The following MMRN2 variants were observed in gnomAD, a reference collection of about 807,000 sequenced individuals.
The protein encoded by MMRN2 is multimerin-2.
Under a neutral mutation model 68.8 loss-of-function variants are expected in MMRN2, and 53 were observed. The ratio of observed to expected loss-of-function variants is 0.77; its 90% CI spans 0.62 to 0.97. The LOEUF is 0.97. MMRN2 is among the 50% of genes least tolerant of loss of function. MMRN2 has a pLI of 0.00. For missense variants in MMRN2, 1,266 were observed against 1,259.5 expected (o/e 1.01, Z -0.08); for synonymous variants, 564 against 551.6 (o/e 1.02, Z -0.32).
intron 1 of MMRN2, among the ~76,000 whole-genome samples, chr10:86,951,542 T>A (rs564367345): frequency 6.6e-6 from 1 of 152,308 alleles, no homozygotes; most frequent in African/African-American, 2.4e-5. Context: ...ACTCTGCCAT[T>A]GTACCACAAA....
At chr10:86,956,302 GC>G (rs1420227153) in intron 1 of MMRN2, among the ~76,000 whole-genome samples, 1 of 152,130 alleles carries the variant, frequency 6.6e-6, no homozygotes, top group East Asian at 1.9e-4. Context: ...GGGGCCTCTT[GC>G]CCCTCCCTGG....
At chr10:86,950,107 G>T (rs1844126632) in intron 1 of MMRN2, among the ~76,000 whole-genome samples, 1 of 152,022 alleles carries the variant, frequency 6.6e-6, no homozygotes, top group East Asian at 1.9e-4. Flanking sequence ...AGCACTTTGG[G>T]AGGCCGAAGC....
In MMRN2 at chr10:86,944,408, A is replaced by G. The variant is rs777417600; in HGVS notation, c.509T>C (p.Val170Ala). 1.2e-6 allele frequency: 2 copies of G among 1,613,824 alleles called. No homozygotes were observed. Among genetic ancestry groups the G allele is most frequent in the East Asian group, 2.2e-5 (1 of 44,886 alleles). Residue 170 changes from valine (V) to alanine (A), a missense_variant, in exon 5 of 7, where the codon GTT becomes GCT. By Grantham distance (64) the Val-to-Ala change is moderately conservative. Coordinates refer to ENST00000372027, the MANE Select transcript of MMRN2 (RefSeq NM_024756.3). ...PGHLAAVINE[V>A]EVQQEQQEHL... ...TTCCTGCTGTTCCTGTTGCACCTCA[A>G]CCTCATTGATCACTGCAGCAAGGTG...
chr10:86,944,524 G>C (rs1354668490), intron 4 of MMRN2, 89 bp from the exon 5 acceptor site: 2 of 1,445,976 alleles, frequency 1.4e-6, no homozygotes, highest in Non-Finnish European at 9.5e-7. Context: ...TGAAGGCTGA[G>C]AGCAGGGAAG....
chr10:86,955,438 T>C (rs941575225), intron 1 of MMRN2, among the ~76,000 whole-genome samples: 8 of 152,206 alleles, frequency 5.3e-5, no homozygotes, highest in African/African-American at 7.2e-5. Context: ...GTAGTGGTTC[T>C]ATTCAAGCTT....
At position 86,957,321 on chromosome 10, in the gene MMRN2, C is replaced by A. The variant is rs116308456; in HGVS notation, c.164+57G>T. 1.1e-3 allele frequency: 1,783 copies of A among 1,581,750 alleles called. 20 individuals carry two copies. The African/African-American group carries it at 0.022, about 19-fold the overall frequency. Reference sequence around the variant, plus strand: ...GAGGTCTAGAGAGGCTCTGCTCTAGCTGAGCTGGGACTCAGATCCTACTCC... The same window carrying A: ...GAGGTCTAGAGAGGCTCTGCTCTAGATGAGCTGGGACTCAGATCCTACTCC... On this transcript the variant is annotated intron_variant, in intron 1 of 6. Coordinates refer to ENST00000372027, the MANE Select transcript of MMRN2 (RefSeq NM_024756.3).
At position 86,957,606 on chromosome 10, in the gene MMRN2, A is replaced by G. The variant is rs1180678771; in HGVS notation, c.-65T>C. 2 of 1,513,782 alleles carry G rather than the reference A, an allele frequency of 1.3e-6. No homozygotes were observed. Among genetic ancestry groups the G allele is most frequent in the Non-Finnish European group, 1.8e-6 (2 of 1,127,946 alleles). 93.8% of individuals were successfully genotyped at this position (1,513,782 alleles called of 1,614,324 possible). A position where few individuals can be genotyped will look rare whatever the true frequency, so the allele number is the denominator to read the frequency against. ...CAAGTAGCTCCAGAAACTGCTAGTGACGTTGTCTTCAAGTTAAATCTCAGG... is the reference window on the plus strand; with the variant it reads ...CAAGTAGCTCCAGAAACTGCTAGTGGCGTTGTCTTCAAGTTAAATCTCAGG... On this transcript the variant is annotated 5_prime_UTR_variant, in exon 1 of 7. Coordinates refer to ENST00000372027, the MANE Select transcript of MMRN2 (RefSeq NM_024756.3).
At chr10:86,940,756 T>A (rs1269245509) in intron 6 of MMRN2, among the ~76,000 whole-genome samples, 1 of 152,144 alleles carries the variant, frequency 6.6e-6, no homozygotes, top group African/African-American at 2.4e-5. Context: ...CACGCCAGGC[T>A]GCACATGGCC....
At chr10:86,952,673 T>C (rs1844161313) in intron 1 of MMRN2, among the ~76,000 whole-genome samples, 1 of 152,186 alleles carries the variant, frequency 6.6e-6, no homozygotes, top group Admixed American at 6.5e-5. Flanking sequence ...CATATGCTTC[T>C]GAGGAAACGG....
intron 5 of MMRN2, 45 bp downstream of exon 5, chr10:86,944,217 C>T: frequency 6.3e-7 from 1 of 1,592,114 alleles, no homozygotes; most frequent in Non-Finnish European, 8.6e-7. Context: ...CTCCTCCCCT[C>T]AATGTGACCA....
Position 86,957,559 on chromosome 10 carries a change from C to T in MMRN2, c.-18G>A. The stretch of plus-strand genomic sequence containing the variant: ...AGGATCATCTTGGTGGTGGGGCAGG[C>T]TCAGCTCACACTCAGCCTTGGCAAG... On this transcript the variant is annotated 5_prime_UTR_variant, in exon 1 of 7. Transcript: ENST00000372027. 1 of 1,597,276 alleles carries T rather than the reference C, an allele frequency of 6.3e-7. No individual in the cohort carries two copies. The highest frequency in any genetic ancestry group is 1.1e-5 in the South Asian group (1 of 89,558).
intron 1 of MMRN2, among the ~76,000 whole-genome samples, chr10:86,950,910 G>A (rs934966787): frequency 1.3e-5 from 2 of 152,154 alleles, no homozygotes; most frequent in African/African-American, 4.8e-5. Flanking sequence ...ATGGATGCGT[G>A]CACATGCATT....
intron 1 of MMRN2, among the ~76,000 whole-genome samples, chr10:86,945,972 A>G (rs1432186909): frequency 6.6e-6 from 1 of 152,236 alleles, no homozygotes; most frequent in African/African-American, 2.4e-5. Context: ...TGTGAAAAGC[A>G]GCTCCAGGGT....
intron 1 of MMRN2, among the ~76,000 whole-genome samples, chr10:86,954,950 T>C (rs1844197590): frequency 6.6e-6 from 1 of 152,156 alleles, no homozygotes. Context: ...TGGACTCCTC[T>C]GGGCCACAAG....
At chr10:86,945,849 T>C in intron 1 of MMRN2, 160 bp from the exon 2 acceptor site, 1 of 1,448,854 alleles carries the variant, frequency 6.9e-7, no homozygotes, top group Non-Finnish European at 9.1e-7. Context: ...ATCCCTGGGC[T>C]CCAGAGCAAA....
chr10:86,941,811 A>G (rs11596942), intron 6 of MMRN2, among the ~76,000 whole-genome samples: 16,530 of 145,710 alleles, frequency 0.11, 1,272 homozygotes, highest in African/African-American at 0.21. Context: ...AAAAAAAAAA[A>G]AAAAGAAAAG....
intron 6 of MMRN2, among the ~76,000 whole-genome samples, chr10:86,941,148 A>AG (rs1445613982): frequency 6.6e-6 from 1 of 152,222 alleles, no homozygotes; most frequent in African/African-American, 2.4e-5. Flanking sequence ...AAGCCCAGGA[A>AG]GGGGACTAGC....
In MMRN2 at chr10:86,936,985, A is replaced by G. The variant is rs775899067; in HGVS notation, c.2608T>C (p.Tyr870His). The G allele has an allele frequency of 2.5e-6, 4 of 1,614,222 alleles. No individual in the cohort carries two copies. The African/African-American group carries it at 5.3e-5, about 22-fold the overall frequency. ...GYFRAPERGV[Y>H]LFAVSVEFGP... ...AATTCAACGCTCACTGCAAACAGGT[A>G]GACACCACGCTCAGGGGCTCGGAAG... is the stretch of plus-strand genomic sequence containing the variant. The change falls in exon 7 of 7, where the codon TAC (tyrosine) becomes CAC (histidine). Residue 870 changes from tyrosine (Y) to histidine (H), a missense_variant. Transcript: ENST00000372027.
chr10:86,955,698 C>T (rs1259289200), intron 1 of MMRN2, among the ~76,000 whole-genome samples: 1 of 152,232 alleles, frequency 6.6e-6, no homozygotes, highest in African/African-American at 2.4e-5. Context: ...GTAATCAGCC[C>T]AGGAAGCCGC....
Sources: allele counts gnomAD v4.1 joint callset (sites outside exome capture counted in the v4.1 genomes callset), GRCh38; gene constraint gnomAD v4.1.1; transcripts MANE v1.5; gene names NCBI Gene and HGNC (gene_info 2026-07-23, HGNC 2026-07-21).